The following KASH5 variants were observed in gnomAD, a reference collection of about 807,000 sequenced individuals.
The protein encoded by KASH5 is protein KASH5.
Under a neutral mutation model 84.2 loss-of-function variants are expected in KASH5, and 72 were observed. That is an observed-to-expected ratio of 0.85 (90% CI 0.71 to 1.04). The LOEUF (loss-of-function observed/expected upper bound fraction) is 1.04. Among genes scored for constraint, KASH5 ranks in the 50% least tolerant of loss-of-function variants. KASH5 has a pLI of 0.00. For synonymous variants in KASH5, 260 were observed against 279.1 expected, an observed-to-expected ratio of 0.93 and a Z score of 0.68; for missense variants, 650 against 701.0, an observed-to-expected ratio of 0.93 and a Z score of 0.82.
intron 9 of KASH5, among the ~76,000 whole-genome samples, chr19:49,403,425 T>C (rs1974429735): frequency 6.6e-6 from 1 of 152,124 alleles, no homozygotes; most frequent in Non-Finnish European, 1.5e-5. Flanking sequence ...CGTGGCTCCT[T>C]TCATCAGAAG....
chr19:49,407,516 C>G (rs1170559280), intron 11 of KASH5, 96 bp from the exon 12 acceptor site: 31 of 1,356,142 alleles, frequency 2.3e-5, no homozygotes, highest in Non-Finnish European at 3.1e-5. Flanking sequence ...CAAGCTCACC[C>G]TGTCCCTTAA....
intron 16 of KASH5, among the ~76,000 whole-genome samples, chr19:49,413,898 C>T (rs1247980644): frequency 3.3e-5 from 5 of 152,070 alleles, no homozygotes; most frequent in African/African-American, 9.7e-5. Flanking sequence ...AGCCTGGATC[C>T]TTTATCGCGT....
intron 12 of KASH5, chr19:49,408,183 G>A (rs1221329259): frequency 5.7e-6 from 1 of 174,944 alleles, no homozygotes; most frequent in Non-Finnish European, 1.2e-5. Flanking sequence ...CAAAGTGCTG[G>A]GATTACAGAC....
At position 49,417,267 on chromosome 19, in the gene KASH5, G is replaced by C. The variant is rs759671757; in HGVS notation, c.1547+1G>C. On this transcript the variant is annotated splice_donor_variant, in intron 19 of 19. Transcript: ENST00000447857. LOFTEE classifies it high-confidence loss of function. The surrounding 1 kb of genome is among the most constrained non-coding windows in gnomAD (Gnocchi z 5.2). ...TCTGCCTGCCCCCACAGCGGCTCAG[G>C]TGTGCCCCCAGGCGTCTCCAGAAGG... 6.2e-7 allele frequency: 1 copy of C among 1,611,772 alleles called. No individual in the cohort carries two copies. Among genetic ancestry groups the C allele is most frequent in the South Asian group, 1.1e-5 (1 of 90,636 alleles).
At chr19:49,403,037 A>T (rs1974412033) in intron 9 of KASH5, among the ~76,000 whole-genome samples, 3 of 152,080 alleles carry the variant, frequency 2.0e-5, no homozygotes, top group Non-Finnish European at 4.4e-5. Flanking sequence ...TCATGTTCTC[A>T]TTCAAAGTAG....
intron 7 of KASH5, among the ~76,000 whole-genome samples, chr19:49,398,386 T>C (rs75802020): frequency 2.0e-5 from 3 of 151,484 alleles, no homozygotes; most frequent in African/African-American, 7.3e-5. Flanking sequence ...TTTTTTTTTT[T>C]GAGACAGGTT....
intron 9 of KASH5, among the ~76,000 whole-genome samples, chr19:49,401,778 A>C (rs1377446830): frequency 6.6e-6 from 1 of 152,170 alleles, no homozygotes; most frequent in Non-Finnish European, 1.5e-5. Flanking sequence ...TTTGTCCTAC[A>C]TGTGCAGTGT....
intron 15 of KASH5, among the ~76,000 whole-genome samples, chr19:49,411,603 C>G (rs981086607): frequency 2.6e-5 from 4 of 152,126 alleles, no homozygotes; most frequent in African/African-American, 9.7e-5. Flanking sequence ...CTGTCAGATG[C>G]CCCTGAGAGA....
intron 1 of KASH5, 66 bp from the exon 2 acceptor site, chr19:49,390,722 TG>T: frequency 1.4e-6 from 1 of 692,296 alleles, no homozygotes; most frequent in Non-Finnish European, 2.3e-6. Context: ...GGGGCACAGG[TG>T]GGGCTAGGCA....
rs765649463 is a variant in KASH5 at position 49,417,438 on chromosome 19, G to A, written c.1617G>A (p.Leu539=). The A allele has an allele frequency of 1.3e-6, 2 of 1,555,878 alleles. No homozygotes were observed. The highest frequency in any genetic ancestry group is 1.2e-5 in the South Asian group (1 of 84,296). Residue 539 remains leucine, a synonymous_variant, in exon 20 of 20, where the codon CTG becomes CTA. Coordinates refer to ENST00000447857, the MANE Select transcript of KASH5 (RefSeq NM_144688.5). The surrounding 1 kb of genome is among the most constrained non-coding windows in gnomAD (Gnocchi z 5.2). ...TGCTGCTGCTGCTGCTCTCTGTCCT[G>A]CTGCTTGGCCCGTCCCCACCTCCCA... ...GLLLLLLLSV[L]LLGPSPPPTW... is the part of the protein sequence containing the mutation.
At chr19:49,402,209 T>C (rs1037628654) in intron 9 of KASH5, among the ~76,000 whole-genome samples, 6 of 149,376 alleles carry the variant, frequency 4.0e-5, no homozygotes, top group Non-Finnish European at 8.9e-5. Flanking sequence ...ACCAGTGTAC[T>C]CCAGTCTGGG....
Position 49,414,328 on chromosome 19 carries a change from T to C in KASH5, c.1329-623T>C, listed in dbSNP as rs973371389. Among the ~76,000 whole-genome samples the C allele has an allele frequency of 4.2e-4, 64 of 152,140 alleles. No individual in the cohort carries two copies. The highest frequency in any genetic ancestry group is 1.5e-3 in the African/African-American group (64 of 41,496). On this transcript the variant is annotated intron_variant, in intron 16 of 19. Transcript: ENST00000447857. The surrounding 1 kb of genome is among the most constrained non-coding windows in gnomAD (Gnocchi z 4.5). ...AAGAGGGTCTTGCACCTAAGAGGAT[T>C]CGGCATGGGGAAGAGCTCCAACAGT...
Position 49,395,310 on chromosome 19 carries a change from C to T in KASH5, c.335+18C>T, listed in dbSNP as rs1243113975. The T allele has an allele frequency of 9.3e-6, 15 of 1,608,096 alleles. No individual in the cohort carries two copies. In the Admixed American group the frequency reaches 2.1e-4, roughly 22 times the overall value. Reference sequence around the variant, plus strand: ...CTACATGGGTGAGTCCCCACATCTTCATCCTCCTCTGGGAAGTCCTTCCTA... The same window carrying T: ...CTACATGGGTGAGTCCCCACATCTTTATCCTCCTCTGGGAAGTCCTTCCTA... On this transcript the variant is annotated intron_variant, in intron 4 of 19. Transcript: ENST00000447857. This position sits in a 1 kb window ranked among gnomAD's most constrained non-coding sequence, Gnocchi z 4.4.
In KASH5 at chr19:49,399,115, C is replaced by T; in HGVS notation, c.720C>T (p.Arg240=). 1 of 1,551,596 alleles carries T rather than the reference C, an allele frequency of 6.4e-7. No individual in the cohort carries two copies. Among genetic ancestry groups the T allele is most frequent in the Non-Finnish European group, 8.7e-7 (1 of 1,146,950 alleles). The part of the protein sequence containing the change: ...TLARSLEEQN[R]SLLAQARQAE... ...CCAGGAGCCTGGAGGAACAGAATCG[C>T]AGCCTTCTGGCCCAAGCCCGGCAGG... The change falls in exon 8 of 20, where the codon CGC becomes CGT. Residue 240 remains arginine (R), a synonymous_variant. Transcript: ENST00000447857. This position sits in a 1 kb window ranked among gnomAD's most constrained non-coding sequence, Gnocchi z 4.4.
At chr19:49,411,392 G>T (rs1333756463) in intron 15 of KASH5, among the ~76,000 whole-genome samples, 1 of 152,104 alleles carries the variant, frequency 6.6e-6, no homozygotes, top group African/African-American at 2.4e-5. Flanking sequence ...TTTGAGAAAA[G>T]CTTTTGTTTC....
chr19:49,406,251 T>C (rs1473684812), intron 9 of KASH5, among the ~76,000 whole-genome samples: 1 of 152,168 alleles, frequency 6.6e-6, no homozygotes. Context: ...TATTGTTCTT[T>C]TGATTTTAAA....
Position 49,398,225 on chromosome 19 carries a change from CG to C in KASH5, c.629+83del, listed in dbSNP as rs1286702048. On this transcript the variant is annotated intron_variant, in intron 7 of 19. Coordinates refer to ENST00000447857, the MANE Select transcript of KASH5 (RefSeq NM_144688.5). ...GCAGCCGGCCTCTATCTCCCATGCT[CG>C]TGTCTGCATCCTGCTCTTTGACTCT... is the stretch of plus-strand genomic sequence containing the variant. 81 of 1,273,452 alleles carry C rather than the reference CG, an allele frequency of 6.4e-5. No individual in the cohort carries two copies. In the African/African-American group the frequency reaches 1.2e-3, roughly 18 times the overall value. 78.9% of individuals were successfully genotyped at this position (1,273,452 alleles called of 1,614,324 possible). A position where few individuals can be genotyped will look rare whatever the true frequency, so the allele number is the denominator to read the frequency against.
rs193276347 is a variant in KASH5, at chr19:49,412,928, G to T, written c.1270-40G>T. 6.2e-7 allele frequency: 1 copy of T among 1,607,740 alleles called. No individual in the cohort carries two copies. The highest frequency in any genetic ancestry group is 1.1e-5 in the South Asian group (1 of 90,764). ...CACTGTTAGGGTTGGAGCTTTGAGT[G>T]AGAAGAATCAGAGAAGAACTAACCT... On this transcript the variant is annotated intron_variant, in intron 15 of 19. Transcript: ENST00000447857. The surrounding 1 kb of genome is among the most constrained non-coding windows in gnomAD (Gnocchi z 4.6).
At chr19:49,391,281 T>C (rs1204526156) in intron 2 of KASH5, among the ~76,000 whole-genome samples, 4 of 152,146 alleles carry the variant, frequency 2.6e-5, no homozygotes, top group Non-Finnish European at 5.9e-5. Context: ...TTCACAGTGC[T>C]CACATCTGTA....
Sources: allele counts gnomAD v4.1 joint callset (sites outside exome capture counted in the v4.1 genomes callset), GRCh38; gene constraint gnomAD v4.1.1; non-coding constraint Gnocchi (gnomAD v3.1); transcripts MANE v1.5; gene names NCBI Gene and HGNC (gene_info 2026-07-23, HGNC 2026-07-21).